The following SLC30A9 variants were observed in gnomAD, a reference collection of about 807,000 sequenced individuals.
The protein encoded by SLC30A9 is solute carrier family 30 member 9, also known as proton-coupled zinc antiporter SLC30A9, mitochondrial.
SLC30A9 carries 58 observed loss-of-function variants against 87.5 expected under a neutral mutation model. The ratio of observed to expected loss-of-function variants is 0.66; its 90% CI spans 0.54 to 0.82. The LOEUF (loss-of-function observed/expected upper bound fraction) is 0.82. SLC30A9 is among the 40% of genes least tolerant of loss of function. The probability of loss-of-function intolerance (pLI) is 0.00; values close to 1 mark genes in which losing one functional copy is unlikely to be tolerated. For synonymous variants in SLC30A9, 234 were observed against 233.0 expected (o/e 1.00, Z -0.04); for missense variants, 557 against 679.1 (o/e 0.82, Z 2.00).
chr4:42,049,753 C>CT (rs2153138483), intron 9 of SLC30A9, among the ~76,000 whole-genome samples: 1 of 152,202 alleles, frequency 6.6e-6, no homozygotes, highest in South Asian at 2.1e-4. Context: ...TTCTCAATGA[C>CT]TGTAATAGTC....
In SLC30A9 at chr4:42,069,682, T is replaced by G. The variant is rs148926957; in HGVS notation, c.1253-844T>G. Among the ~76,000 whole-genome samples the G allele has an allele frequency of 1.3e-4, 20 of 152,380 alleles. No individual in the cohort carries two copies. In the East Asian group the frequency reaches 3.7e-3, roughly 28 times the overall value. ...TCATAAAAGCCATGTGTAAAATTTA[T>G]TATAAAGATTTAAAACGTATTTATT... On this transcript the variant is annotated intron_variant, in intron 14 of 17. Transcript: ENST00000264451.
At chr4:42,071,295 T>G (rs1030722971) in intron 15 of SLC30A9, among the ~76,000 whole-genome samples, 5 of 152,140 alleles carry the variant, frequency 3.3e-5, no homozygotes, top group African/African-American at 1.2e-4. Flanking sequence ...GAACAAACCT[T>G]TAAAAACCCA....
chr4:42,048,591 A>AAT (rs1717263520), intron 8 of SLC30A9, among the ~76,000 whole-genome samples: 1 of 75,096 alleles, frequency 1.3e-5, no homozygotes, highest in Non-Finnish European at 4.0e-5. Context: ...CTCAGAGTTA[A>AAT]CTGTTTATTT....
chr4:42,070,519 C>T lies in SLC30A9; in HGVS notation c.1253-7C>T. 6.2e-7 allele frequency: 1 copy of T among 1,604,104 alleles called. No homozygotes were observed. Among genetic ancestry groups the T allele is most frequent in the Non-Finnish European group, 8.5e-7 (1 of 1,174,466 alleles). The stretch of plus-strand genomic sequence containing the variant: ...AATTTACTGATTTTTTTATGTGCTT[C>T]ATTTAGGCAATCCACTGTATGACAG... On this transcript the variant is annotated splice_region_variant and splice_polypyrimidine_tract_variant and intron_variant, in intron 14 of 17. Coordinates refer to ENST00000264451, the MANE Select transcript of SLC30A9 (RefSeq NM_006345.4).
At chr4:41,991,638 G>A (rs1714445372) in intron 1 of SLC30A9, among the ~76,000 whole-genome samples, 1 of 152,160 alleles carries the variant, frequency 6.6e-6, no homozygotes. Flanking sequence ...CATGTTCGAA[G>A]CCAGGTGTGG....
intron 3 of SLC30A9, among the ~76,000 whole-genome samples, chr4:42,019,254 A>C (rs916821916): frequency 1.3e-5 from 2 of 152,180 alleles, no homozygotes; most frequent in African/African-American, 4.8e-5. Flanking sequence ...AATAGAACAC[A>C]TAAGTTTGTT....
At chr4:42,074,953 G>A (rs1718460659) in intron 15 of SLC30A9, among the ~76,000 whole-genome samples, 1 of 131,020 alleles carries the variant, frequency 7.6e-6, no homozygotes, top group East Asian at 2.4e-4. Flanking sequence ...AAATTGATAA[G>A]TAGATATATG....
At position 42,063,002 on chromosome 4, in the gene SLC30A9, A is replaced by G; in HGVS notation, c.913A>G (p.Met305Val). The G allele has an allele frequency of 1.2e-6, 2 of 1,612,718 alleles. No individual in the cohort carries two copies. The highest frequency in any genetic ancestry group is 1.7e-6 in the Non-Finnish European group (2 of 1,179,264). ...DPSHPYGFSN[M>V]RYISSLISGV... Reference sequence around the variant, plus strand: ...ATTTTTCAGGTACGGATTTTCAAATATGCGCTATATTTCTTCGCTAATTAG... The same window carrying G: ...ATTTTTCAGGTACGGATTTTCAAATGTGCGCTATATTTCTTCGCTAATTAG... The change falls in exon 11 of 18, where the codon ATG becomes GTG. Residue 305 changes from methionine (M) to valine (V), a missense_variant. This residue lies in a region of SLC30A9 where 467 missense variants were observed against 529.8 expected (regional missense o/e 0.88). Transcript: ENST00000264451.
chr4:42,072,715 G>A (rs1013499271), intron 15 of SLC30A9, among the ~76,000 whole-genome samples: 4 of 151,784 alleles, frequency 2.6e-5, no homozygotes, highest in African/African-American at 9.7e-5. Flanking sequence ...TGTATATTCT[G>A]CTGTTGTTGT....
intron 9 of SLC30A9, among the ~76,000 whole-genome samples, chr4:42,050,074 T>C (rs959871062): frequency 1.3e-5 from 2 of 152,110 alleles, no homozygotes; most frequent in Admixed American, 1.3e-4. Flanking sequence ...TAAAAACTGA[T>C]TTGGGAGAAC....
chr4:42,084,772 G>T (rs577188465), intron 17 of SLC30A9, among the ~76,000 whole-genome samples: 1 of 152,160 alleles, frequency 6.6e-6, no homozygotes, highest in African/African-American at 2.4e-5. Context: ...CGCCCGGCCA[G>T]GTGCCCTTCC....
chr4:42,075,168 G>T (rs1718500579), intron 15 of SLC30A9, among the ~76,000 whole-genome samples: 3 of 138,920 alleles, frequency 2.2e-5, no homozygotes, highest in Admixed American at 7.6e-5. Flanking sequence ...CTGCCTCCCA[G>T]GTTCAAGCAA....
At chr4:42,007,834 TGTGGTA>T (rs1715279619) in intron 2 of SLC30A9, among the ~76,000 whole-genome samples, 1 of 152,218 alleles carries the variant, frequency 6.6e-6, no homozygotes, top group South Asian at 2.1e-4. Flanking sequence ...TCTGATTTAC[TGTGGTA>T]GTATTCTCCC....
chr4:42,010,054 T>C (rs1159518193), intron 2 of SLC30A9, among the ~76,000 whole-genome samples: 1 of 152,228 alleles, frequency 6.6e-6, no homozygotes, highest in Non-Finnish European at 1.5e-5. Flanking sequence ...AGGTCAAATG[T>C]AGTTACTAAA....
At chr4:42,074,734 T>C (rs1035607883) in intron 15 of SLC30A9, among the ~76,000 whole-genome samples, 1 of 152,100 alleles carries the variant, frequency 6.6e-6, no homozygotes, top group African/African-American at 2.4e-5. Flanking sequence ...GCCTGCCTTA[T>C]AGTTCTTACT....
intron 14 of SLC30A9, among the ~76,000 whole-genome samples, chr4:42,068,300 A>G (rs938672673): frequency 3.3e-5 from 5 of 151,422 alleles, no homozygotes; most frequent in Admixed American, 6.6e-5. Context: ...CTGGAATGCA[A>G]TGGTGCCATG....
At chr4:42,082,621 G>T (rs1238190786) in intron 17 of SLC30A9, among the ~76,000 whole-genome samples, 1 of 152,216 alleles carries the variant, frequency 6.6e-6, no homozygotes, top group East Asian at 1.9e-4. Context: ...GCCAAGGCGG[G>T]TGGATCACCT....
At chr4:41,996,374 T>A (rs1407082255) in intron 1 of SLC30A9, among the ~76,000 whole-genome samples, 1 of 151,890 alleles carries the variant, frequency 6.6e-6, no homozygotes, top group Non-Finnish European at 1.5e-5. Flanking sequence ...ATTACAGGCG[T>A]GAGCCACTGC....
intron 4 of SLC30A9, chr4:42,020,728 T>G: frequency 7.3e-6 from 3 of 409,876 alleles, no homozygotes; most frequent in Non-Finnish European, 1.3e-5. Context: ...CTAGTCTTTC[T>G]TAGTTTCTTA....
Sources: gnomAD v4.1 joint callset for allele counts (sites outside exome capture counted in the v4.1 genomes callset) on GRCh38, gnomAD v4.1.1 for gene constraint, gnomAD v4.1.1 regional missense constraint, MANE v1.5 for transcripts, NCBI Gene and HGNC (gene_info 2026-07-23, HGNC 2026-07-21) for gene names.